The following NBAS variants were observed in gnomAD, a reference collection of about 807,000 sequenced individuals.
The protein encoded by NBAS is NBAS subunit of NRZ tethering complex.
A neutral mutation model predicts 302.5 loss-of-function variants in NBAS; 219 were observed. The ratio of observed to expected loss-of-function variants is 0.72; its 90% confidence interval spans 0.65 to 0.81. NBAS has a LOEUF of 0.81. Ranked by LOEUF, NBAS falls within the 30% of genes least tolerant of loss-of-function variation. NBAS has a pLI of 0.00. For missense variants in NBAS, 2,932 were observed against 2,841.6 expected (o/e 1.03, Z -0.72); for synonymous variants, 1,118 against 1,021.6 (o/e 1.09, Z -1.80).
intron 4 of NBAS, among the ~76,000 whole-genome samples, chr2:15,553,773 CCTCT>C (rs1181278697): frequency 1.0e-4 from 14 of 136,148 alleles, no homozygotes; most frequent in Admixed American, 2.2e-4. Flanking sequence ...TACCTCCCTC[CCTCT>C]TTCTCTCTCT....
At chr2:15,441,749 A>G (rs2148515537) in intron 21 of NBAS, among the ~76,000 whole-genome samples, 1 of 152,350 alleles carries the variant, frequency 6.6e-6, no homozygotes, top group East Asian at 1.9e-4. Flanking sequence ...AGTGTGCTGT[A>G]TTCAGGAAAC....
At chr2:15,411,807 A>T (rs112059514) in intron 25 of NBAS, among the ~76,000 whole-genome samples, 6 of 152,314 alleles carry the variant, frequency 3.9e-5, no homozygotes, top group African/African-American at 1.4e-4. Flanking sequence ...ATCTGGATTG[A>T]GCATAGAAAA....
intron 50 of NBAS, chr2:15,180,375 A>T (rs1273409969): frequency 2.0e-5 from 3 of 152,224 alleles, no homozygotes; most frequent in African/African-American, 7.2e-5. Flanking sequence ...TTCCTCATAC[A>T]TCGGGAATTC....
chr2:14,853,070 T>C, the NBAS span, among the ~76,000 whole-genome samples: 1 of 140,514 alleles, frequency 7.1e-6, no homozygotes, highest in Non-Finnish European at 1.5e-5. Flanking sequence ...AATTGACAAA[T>C]GGGATCTAAT....
chr2:15,495,335 G>C (rs904920167), intron 11 of NBAS, among the ~76,000 whole-genome samples: 1 of 152,076 alleles, frequency 6.6e-6, no homozygotes, highest in Non-Finnish European at 1.5e-5. Flanking sequence ...CAAAAAATCT[G>C]CATGATCTTT....
At chr2:15,397,667 A>G in intron 26 of NBAS, 1 of 541,980 alleles carries the variant, frequency 1.8e-6, no homozygotes, top group South Asian at 1.7e-5. Context: ...TCAAATGACG[A>G]ATTTCTTAAT....
the NBAS span, among the ~76,000 whole-genome samples, chr2:14,784,191 G>C: frequency 0.016 from 2,460 of 152,066 alleles, 73 homozygotes; most frequent in African/African-American, 0.055. Flanking sequence ...AAATTCGTTT[G>C]AGTTCATTGT....
At chr2:15,469,003 G>C (rs1477137784) in intron 16 of NBAS, among the ~76,000 whole-genome samples, 1 of 152,080 alleles carries the variant, frequency 6.6e-6, no homozygotes, top group Non-Finnish European at 1.5e-5. Context: ...TGAATAACTT[G>C]ATCATAAAAA....
At chr2:15,104,760 G>A in the NBAS span, among the ~76,000 whole-genome samples, 1 of 152,062 alleles carries the variant, frequency 6.6e-6, no homozygotes, top group African/African-American at 2.4e-5. Flanking sequence ...GTGTGAGATG[G>A]TATCTTACTG....
intron 38 of NBAS, among the ~76,000 whole-genome samples, chr2:15,320,931 T>C (rs949031873): frequency 3.9e-4 from 59 of 152,266 alleles, no homozygotes; most frequent in Admixed American, 9.8e-4. Flanking sequence ...GAGCCCGCAT[T>C]GCCAAGTCAA....
intron 25 of NBAS, among the ~76,000 whole-genome samples, chr2:15,405,413 C>T (rs893552821): frequency 2.0e-5 from 3 of 152,136 alleles, no homozygotes; most frequent in African/African-American, 7.2e-5. Context: ...CTATAAGATG[C>T]CTAACTTCAT....
chr2:15,334,591 C>A (rs1409961828), intron 35 of NBAS, among the ~76,000 whole-genome samples: 1 of 152,074 alleles, frequency 6.6e-6, no homozygotes, highest in East Asian at 1.9e-4. Context: ...TATTTAAGCT[C>A]ATTTATTTTT....
chr2:15,170,373 G>T (rs1385578008), intron 51 of NBAS, among the ~76,000 whole-genome samples: 1 of 152,212 alleles, frequency 6.6e-6, no homozygotes, highest in Admixed American at 6.5e-5. Context: ...TTCTCCAAAA[G>T]CCTGCTGCTT....
chr2:14,782,857 C>T, the NBAS span, among the ~76,000 whole-genome samples: 1 of 152,054 alleles, frequency 6.6e-6, no homozygotes, highest in East Asian at 1.9e-4. Context: ...AACAGAAGAA[C>T]AGAAAACCAA....
chr2:15,529,163 A>G (rs1249783212), intron 9 of NBAS, among the ~76,000 whole-genome samples: 2 of 152,082 alleles, frequency 1.3e-5, no homozygotes, highest in Non-Finnish European at 2.9e-5. Flanking sequence ...AAAAGTATAT[A>G]TATATGTGCT....
chr2:14,809,083 A>G, the NBAS span, among the ~76,000 whole-genome samples: 2 of 152,214 alleles, frequency 1.3e-5, no homozygotes, highest in African/African-American at 2.4e-5. Context: ...GGGTGCTGTT[A>G]AAGTCATTCA....
chr2:14,864,500 C>G, the NBAS span, among the ~76,000 whole-genome samples: 4 of 152,056 alleles, frequency 2.6e-5, no homozygotes, highest in Middle Eastern at 3.2e-3. Flanking sequence ...GCTGTTTGAG[C>G]CTTGGTCAGT....
chr2:15,441,832 A>G (rs1445035895), intron 21 of NBAS, among the ~76,000 whole-genome samples: 2 of 152,106 alleles, frequency 1.3e-5, no homozygotes, highest in Admixed American at 1.3e-4. Flanking sequence ...CAAATGGAAA[A>G]CAAAAAAAGG....
At chr2:14,858,884 C>A in the NBAS span, among the ~76,000 whole-genome samples, 1 of 152,022 alleles carries the variant, frequency 6.6e-6, no homozygotes, top group Non-Finnish European at 1.5e-5. Context: ...TCATTTACCC[C>A]GATGTGATTA....
Sources: gnomAD v4.1 joint callset for allele counts (sites outside exome capture counted in the v4.1 genomes callset) on GRCh38, gnomAD v4.1.1 for gene constraint, MANE v1.5 for transcripts, NCBI Gene and HGNC (gene_info 2026-07-23, HGNC 2026-07-21) for gene names.